KCNIP4: variants seen among roughly 807,000 people sequenced by gnomAD.
The protein encoded by KCNIP4 is Kv channel-interacting protein 4.
KCNIP4 carries 12 observed loss-of-function variants against 34.0 expected under a neutral mutation model. The observed-to-expected ratio is 0.35, with a 90% CI of 0.23 to 0.57. The LOEUF (loss-of-function observed/expected upper bound fraction) is 0.57, where lower values mean the gene tolerates loss of function less well. Among genes scored for constraint, KCNIP4 ranks in the 20% least tolerant of loss-of-function variants. KCNIP4 has a pLI of 0.83. For synonymous variants in KCNIP4, 124 were observed against 102.2 expected, an observed-to-expected ratio of 1.21 and a Z score of -1.29; for missense variants, 238 against 311.7, an observed-to-expected ratio of 0.76 and a Z score of 1.78.
chr4:21,126,908 G>T (rs1295348186), intron 1 of KCNIP4, among the ~76,000 whole-genome samples: 1 of 152,192 alleles, frequency 6.6e-6, no homozygotes, highest in Non-Finnish European at 1.5e-5. Flanking sequence ...CTTCCAGGTA[G>T]AAAGAAGACT....
chr4:20,780,929 T>C (rs942870752), intron 3 of KCNIP4, among the ~76,000 whole-genome samples: 3 of 152,226 alleles, frequency 2.0e-5, no homozygotes, highest in Non-Finnish European at 2.9e-5. Context: ...AGTATTATTT[T>C]CTTGCTCTTT....
At chr4:21,085,594 A>G (rs907355466) in intron 1 of KCNIP4, among the ~76,000 whole-genome samples, 1 of 152,150 alleles carries the variant, frequency 6.6e-6, no homozygotes, top group Admixed American at 6.6e-5. Flanking sequence ...ACAGATGTCA[A>G]TTCTGGTTGG....
rs1050937835 is a variant in KCNIP4, at chr4:21,105,982, G to T, written c.62-223273C>A. ...TGGTGGATAAGCTTTTTGATGTGCT[G>T]CTGGATTCGGTTTGCCAGTATTTTA... On this transcript the variant is annotated intron_variant, in intron 1 of 8. Coordinates refer to ENST00000382152, the MANE Select transcript of KCNIP4 (RefSeq NM_025221.6). Among the ~76,000 whole-genome samples the T allele has an allele frequency of 1.1e-4, 16 of 151,426 alleles. 1 individual carries two copies. Among genetic ancestry groups the T allele is most frequent in the African/African-American group, 3.4e-4 (14 of 40,778 alleles).
At chr4:21,914,589 T>C (rs190937211) in intron 1 of KCNIP4, among the ~76,000 whole-genome samples, 162 of 152,274 alleles carry the variant, frequency 1.1e-3, no homozygotes, top group African/African-American at 3.4e-3. Flanking sequence ...CAGGTCTTTC[T>C]GCTCACATGT....
chr4:21,172,535 C>T (rs542172019), intron 1 of KCNIP4, among the ~76,000 whole-genome samples: 20 of 152,166 alleles, frequency 1.3e-4, no homozygotes, highest in Admixed American at 6.5e-5. Context: ...TTTATTGCCT[C>T]TCCTACTGAG....
chr4:21,224,508 C>T (rs1206931498), intron 1 of KCNIP4, among the ~76,000 whole-genome samples: 1 of 148,786 alleles, frequency 6.7e-6, no homozygotes, highest in Non-Finnish European at 1.5e-5. Context: ...TGGACACAAA[C>T]ATTCCACCCA....
chr4:20,959,506 T>A (rs149883182), intron 1 of KCNIP4, among the ~76,000 whole-genome samples: 11 of 152,328 alleles, frequency 7.2e-5, no homozygotes, highest in African/African-American at 2.4e-4. Context: ...AGGAGACTGA[T>A]TATTAAAATT....
intron 1 of KCNIP4, among the ~76,000 whole-genome samples, chr4:20,925,612 T>C (rs773462600): frequency 4.6e-5 from 7 of 152,202 alleles, no homozygotes; most frequent in Non-Finnish European, 8.8e-5. Context: ...TTCTCTACTT[T>C]CCTAGTGAAC....
At chr4:21,340,540 G>A (rs897570450) in intron 1 of KCNIP4, among the ~76,000 whole-genome samples, 1 of 152,064 alleles carries the variant, frequency 6.6e-6, no homozygotes, top group Non-Finnish European at 1.5e-5. Flanking sequence ...TATAGTACAA[G>A]GCTGTGGTAT....
chr4:20,772,283 C>T (rs1755964663), intron 3 of KCNIP4, among the ~76,000 whole-genome samples: 1 of 152,100 alleles, frequency 6.6e-6, no homozygotes, highest in Non-Finnish European at 1.5e-5. Flanking sequence ...CACTAAAACA[C>T]AAAGTATTCG....
chr4:21,942,527 T>C (rs1257871862), intron 1 of KCNIP4, among the ~76,000 whole-genome samples: 1 of 152,224 alleles, frequency 6.6e-6, no homozygotes, highest in Non-Finnish European at 1.5e-5. Context: ...CATGGTGCTA[T>C]AGATGCAAGA....
At chr4:21,705,532 G>A (rs1713197674) in intron 1 of KCNIP4, among the ~76,000 whole-genome samples, 1 of 152,062 alleles carries the variant, frequency 6.6e-6, no homozygotes, top group Non-Finnish European at 1.5e-5. Context: ...ATATACATGA[G>A]TGAACCCAAT....
chr4:21,032,381 C>A (rs577954965), intron 1 of KCNIP4, among the ~76,000 whole-genome samples: 2 of 152,156 alleles, frequency 1.3e-5, no homozygotes, highest in South Asian at 4.1e-4. Context: ...GAACAATCAA[C>A]CTTTCTGCAC....
chr4:20,779,299 T>C (rs757874649), intron 3 of KCNIP4, among the ~76,000 whole-genome samples: 2 of 152,134 alleles, frequency 1.3e-5, no homozygotes, highest in South Asian at 2.1e-4. Context: ...TATAGGCATG[T>C]TACTGTAAAT....
intron 1 of KCNIP4, among the ~76,000 whole-genome samples, chr4:21,335,433 A>G (rs1009176140): frequency 1.1e-4 from 17 of 152,136 alleles, no homozygotes; most frequent in Non-Finnish European, 8.8e-5. Context: ...ACAAAAAAAT[A>G]TGATACCGAA....
intron 1 of KCNIP4, among the ~76,000 whole-genome samples, chr4:21,237,132 A>G (rs1759426313): frequency 6.6e-6 from 1 of 152,206 alleles, no homozygotes; most frequent in South Asian, 2.1e-4. Flanking sequence ...ACCTGAAGAT[A>G]TATAACAAAC....
chr4:21,096,543 A>C (rs1747472803), intron 1 of KCNIP4, among the ~76,000 whole-genome samples: 1 of 152,152 alleles, frequency 6.6e-6, no homozygotes, highest in Non-Finnish European at 1.5e-5. Flanking sequence ...CCTCATTTGA[A>C]CATCAAAAAT....
intron 1 of KCNIP4, among the ~76,000 whole-genome samples, chr4:20,911,650 A>G (rs1174238099): frequency 6.6e-6 from 1 of 152,170 alleles, no homozygotes; most frequent in African/African-American, 2.4e-5. Context: ...GTTGGCAGGG[A>G]TTAACTGGGG....
intron 3 of KCNIP4, among the ~76,000 whole-genome samples, chr4:20,763,405 G>A (rs185367322): frequency 8.5e-5 from 13 of 152,278 alleles, no homozygotes; most frequent in African/African-American, 2.6e-4. Context: ...AAGATTTGGT[G>A]ACTTTAACAT....
Sources: gnomAD v4.1 joint callset for allele counts (sites outside exome capture counted in the v4.1 genomes callset) on GRCh38, gnomAD v4.1.1 for gene constraint, MANE v1.5 for transcripts, NCBI Gene and HGNC (gene_info 2026-07-23, HGNC 2026-07-21) for gene names.